STRBP: variants seen among roughly 807,000 people sequenced by gnomAD.
The protein encoded by STRBP is spermatid perinuclear RNA binding protein, also known as spermatid perinuclear RNA-binding protein.
Under a neutral mutation model 80.1 loss-of-function variants are expected in STRBP, and 13 were observed. The observed-to-expected ratio is 0.16, with a 90% CI of 0.11 to 0.26. STRBP has a LOEUF of 0.26. Among genes scored for constraint, STRBP ranks in the 10% least tolerant of loss-of-function variants. The pLI, the probability that STRBP is intolerant of heterozygous loss-of-function variation, is 1.00. For synonymous variants in STRBP, 284 were observed against 291.2 expected, an observed-to-expected ratio of 0.98 and a Z score of 0.25; for missense variants, 485 against 815.2, an observed-to-expected ratio of 0.59 and a Z score of 4.93.
At chr9:123,224,138 C>A (rs2040161671) in intron 2 of STRBP, among the ~76,000 whole-genome samples, 1 of 152,184 alleles carries the variant, frequency 6.6e-6, no homozygotes, top group Non-Finnish European at 1.5e-5. Context: ...TATATATTAG[C>A]TCTAATCTTT....
intron 1 of STRBP, among the ~76,000 whole-genome samples, chr9:123,251,287 C>A (rs937976477): frequency 2.6e-5 from 4 of 152,088 alleles, no homozygotes; most frequent in Admixed American, 2.0e-4. Context: ...ACGGACGGCA[C>A]TTACTGAGCC....
At chr9:123,188,598 T>C (rs749110653) in intron 2 of STRBP, among the ~76,000 whole-genome samples, 9 of 152,120 alleles carry the variant, frequency 5.9e-5, no homozygotes, top group Non-Finnish European at 1.2e-4. Flanking sequence ...GCTGAGATCA[T>C]GCAACTGCAC....
intron 2 of STRBP, among the ~76,000 whole-genome samples, chr9:123,201,678 T>G (rs1369334404): frequency 6.6e-6 from 1 of 152,232 alleles, no homozygotes; most frequent in East Asian, 1.9e-4. Flanking sequence ...TATCATATAA[T>G]CTATCTTGGA....
rs1444350179 is a variant in STRBP, at chr9:123,236,891, T to G, written c.-226A>C. On this transcript the variant is annotated 5_prime_UTR_variant, in exon 2 of 19. Transcript: ENST00000348403. ...GCTCGTGCCTGTAATCCCAGCACCT[T>G]GGGAGGCTGAGGCAGGCGGATCACT... is the stretch of plus-strand genomic sequence containing the variant. 3 of 152,232 alleles carry G rather than the reference T, an allele frequency of 2.0e-5. No homozygotes were observed. Among genetic ancestry groups the G allele is most frequent in the African/African-American group, 7.2e-5 (3 of 41,412 alleles). 9.4% of individuals were successfully genotyped at this position (152,232 alleles called of 1,614,324 possible).
In STRBP at chr9:123,147,770, T is replaced by G. The variant is rs368686707; in HGVS notation, c.1138+8A>C. On this transcript the variant is annotated splice_region_variant and intron_variant, in intron 12 of 18. Transcript: ENST00000348403. ...GTTTGCATCTATAAGAATAAAGGTTTTACACACTTTTCCTTAAGTTTCGTT... is the reference window on the plus strand; with the variant it reads ...GTTTGCATCTATAAGAATAAAGGTTGTACACACTTTTCCTTAAGTTTCGTT... 35 of 1,604,118 alleles carry G rather than the reference T, an allele frequency of 2.2e-5. No homozygotes were observed. In the African/African-American group the frequency reaches 4.4e-4, roughly 20 times the overall value.
intron 1 of STRBP, among the ~76,000 whole-genome samples, chr9:123,240,033 T>C (rs2040659981): frequency 6.6e-6 from 1 of 152,190 alleles, no homozygotes; most frequent in Non-Finnish European, 1.5e-5. Flanking sequence ...CCATTTTCTT[T>C]CCACCATATC....
In STRBP at chr9:123,128,202, T is replaced by C. The variant is rs2035973794; in HGVS notation, c.1942+12A>G. On this transcript the variant is annotated intron_variant, in intron 18 of 18. Transcript: ENST00000348403. ...TCGCTAAGAGGAGATATCAGTAAGA[T>C]GGTGTACGTACCATAGGCAGGGGCA... is the stretch of plus-strand genomic sequence containing the variant. 1.2e-6 allele frequency: 2 copies of C among 1,614,112 alleles called. No individual in the cohort carries two copies. The highest frequency in any genetic ancestry group is 1.7e-6 in the Non-Finnish European group (2 of 1,179,958).
At chr9:123,140,557 G>A (rs2036547065) in intron 13 of STRBP, among the ~76,000 whole-genome samples, 1 of 151,994 alleles carries the variant, frequency 6.6e-6, no homozygotes, top group Non-Finnish European at 1.5e-5. Context: ...TTGCGCCACT[G>A]CACTCCAGCC....
intron 11 of STRBP, among the ~76,000 whole-genome samples, chr9:123,155,369 A>T (rs1333532175): frequency 1.3e-5 from 2 of 152,196 alleles, no homozygotes; most frequent in Admixed American, 1.3e-4. Context: ...CTTAAAGGGA[A>T]AACAGTCAAG....
At chr9:123,206,708 G>A (rs1023965928) in intron 2 of STRBP, among the ~76,000 whole-genome samples, 28 of 151,518 alleles carry the variant, frequency 1.8e-4, no homozygotes, top group African/African-American at 6.1e-4. Context: ...GCGCAATCTC[G>A]GCTCATCACA....
intron 3 of STRBP, among the ~76,000 whole-genome samples, chr9:123,181,201 T>C (rs2038442415): frequency 6.6e-6 from 1 of 152,230 alleles, no homozygotes; most frequent in African/African-American, 2.4e-5. Flanking sequence ...GTTTTCCAAC[T>C]GGTGCAGTTT....
intron 1 of STRBP, among the ~76,000 whole-genome samples, chr9:123,240,374 A>C (rs1176077106): frequency 1.3e-5 from 2 of 152,196 alleles, no homozygotes; most frequent in Non-Finnish European, 2.9e-5. Context: ...CTTTAATGTT[A>C]TCAAGTCTTT....
intron 1 of STRBP, among the ~76,000 whole-genome samples, chr9:123,245,728 T>A (rs115995253): frequency 5.9e-4 from 90 of 152,328 alleles, no homozygotes; most frequent in African/African-American, 2.1e-3. Context: ...TAACGTTCAA[T>A]CAAGAATGAG....
chr9:123,128,285 C>G (rs1264210757), intron 17 of STRBP, 27 bp from the exon 18 acceptor site: 1 of 1,614,070 alleles, frequency 6.2e-7, no homozygotes, highest in Admixed American at 1.7e-5. Flanking sequence ...GAAGGCAGAT[C>G]AGTCCAAGAC....
chr9:123,186,231 C>A (rs978160211), intron 2 of STRBP, among the ~76,000 whole-genome samples: 1 of 152,050 alleles, frequency 6.6e-6, no homozygotes, highest in Non-Finnish European at 1.5e-5. Flanking sequence ...GCCTGTAGTC[C>A]CAGCTGCTCA....
In STRBP at chr9:123,185,562, G is replaced by A. The variant is rs191139509; in HGVS notation, c.-164-1264C>T. ...ATCAAAATATGATCCCACAGTAAGAGATATCTCAAAAATGCTCCATCTAAG... is the reference window on the plus strand; with the variant it reads ...ATCAAAATATGATCCCACAGTAAGAAATATCTCAAAAATGCTCCATCTAAG... On this transcript the variant is annotated intron_variant, in intron 2 of 18. Transcript: ENST00000348403. 1.4e-3 allele frequency among the ~76,000 whole-genome samples: 218 copies of A among 152,190 alleles called. 1 individual carries two copies. Among genetic ancestry groups the A allele is most frequent in the African/African-American group, 5.2e-3 (214 of 41,520 alleles).
chr9:123,124,146 T>G lies in STRBP; in HGVS notation c.*1451A>C. 1.0e-6 allele frequency: 1 copy of G among 985,470 alleles called. No individual in the cohort carries two copies. The highest frequency in any genetic ancestry group is 1.2e-6 in the Non-Finnish European group (1 of 829,928). 61.0% of individuals were successfully genotyped at this position (985,470 alleles called of 1,614,324 possible). Reference sequence around the variant, plus strand: ...CCCGAAGGAATTTGGTACATACATTTGCCATATTTTGTGAAGCCCATTCTC... The same window carrying G: ...CCCGAAGGAATTTGGTACATACATTGGCCATATTTTGTGAAGCCCATTCTC... On this transcript the variant is annotated 3_prime_UTR_variant, in exon 19 of 19. Transcript: ENST00000348403.
chr9:123,220,431 CAGAA>C (rs1418957788), intron 2 of STRBP, among the ~76,000 whole-genome samples: 3 of 152,180 alleles, frequency 2.0e-5, no homozygotes, highest in African/African-American at 7.2e-5. Context: ...TATCCACACA[CAGAA>C]AAAGTACAGT....
intron 2 of STRBP, among the ~76,000 whole-genome samples, chr9:123,207,898 C>T (rs2132525606): frequency 6.6e-6 from 1 of 152,232 alleles, no homozygotes; most frequent in Non-Finnish European, 1.5e-5. Flanking sequence ...CTATTTTTGT[C>T]TATAAGCTTT....
Sources: gnomAD v4.1 joint callset for allele counts (sites outside exome capture counted in the v4.1 genomes callset) on GRCh38, gnomAD v4.1.1 for gene constraint, MANE v1.5 for transcripts, NCBI Gene and HGNC (gene_info 2026-07-23, HGNC 2026-07-21) for gene names.